The following SNX7 variants were observed in gnomAD, a reference collection of about 807,000 sequenced individuals.
The protein encoded by SNX7 is sorting nexin 7.
A neutral mutation model predicts 48.4 loss-of-function variants in SNX7; 35 were observed. That is an observed-to-expected ratio of 0.72 (90% confidence interval 0.55 to 0.96). SNX7 has a LOEUF of 0.96. Among genes scored for constraint, SNX7 ranks in the 40% least tolerant of loss-of-function variants. The pLI is 0.00. For synonymous variants in SNX7, 190 were observed against 190.2 expected, an observed-to-expected ratio of 1.00 and a Z score of 0.01; for missense variants, 553 against 548.9, an observed-to-expected ratio of 1.01 and a Z score of -0.07.
chr1:98,662,559 A>AC, intron 1 of SNX7: 1 of 783,200 alleles, frequency 1.3e-6, no homozygotes, highest in Non-Finnish European at 1.7e-6. Flanking sequence ...GAAATTTAGG[A>AC]CCAAAGGCTC....
At chr1:98,679,250 G>A (rs778672258) in intron 1 of SNX7, among the ~76,000 whole-genome samples, 7 of 152,110 alleles carry the variant, frequency 4.6e-5, no homozygotes, top group Non-Finnish European at 8.8e-5. Context: ...ATCAAATCTC[G>A]TGAAACGTAT....
At chr1:98,759,557 A>T (rs1490418932) in intron 8 of SNX7, among the ~76,000 whole-genome samples, 1 of 152,118 alleles carries the variant, frequency 6.6e-6, no homozygotes, top group Non-Finnish European at 1.5e-5. Flanking sequence ...GGCATTCTGC[A>T]TAGAGACTTA....
intron 7 of SNX7, among the ~76,000 whole-genome samples, chr1:98,735,389 C>T (rs993921873): frequency 1.3e-5 from 2 of 151,994 alleles, no homozygotes; most frequent in Non-Finnish European, 2.9e-5. Context: ...TTTTTTCCAA[C>T]TAAACTTATG....
intron 7 of SNX7, among the ~76,000 whole-genome samples, chr1:98,721,751 A>T (rs1466324674): frequency 1.6e-4 from 24 of 152,060 alleles, no homozygotes. Flanking sequence ...ATAATTTTTA[A>T]CTTTGGAAAG....
At chr1:98,723,624 TG>T (rs1653008351) in intron 7 of SNX7, among the ~76,000 whole-genome samples, 1 of 152,036 alleles carries the variant, frequency 6.6e-6, no homozygotes, top group African/African-American at 2.4e-5. Context: ...GAGGCCTAGG[TG>T]GGCGGATCAC....
intron 1 of SNX7, among the ~76,000 whole-genome samples, chr1:98,667,594 C>T (rs1048433869): frequency 2.6e-5 from 4 of 151,576 alleles, no homozygotes; most frequent in African/African-American, 9.7e-5. Context: ...GTTGTCCAGG[C>T]TGGTCTCGAA....
intron 7 of SNX7, among the ~76,000 whole-genome samples, chr1:98,705,938 T>C (rs1651982403): frequency 6.6e-6 from 1 of 152,162 alleles, no homozygotes; most frequent in African/African-American, 2.4e-5. Flanking sequence ...ATGTTTCAAG[T>C]TGTTAATAAC....
At chr1:98,662,889 A>G (rs553063935) in intron 1 of SNX7, 112 of 1,246,008 alleles carry the variant, frequency 9.0e-5, no homozygotes, top group Non-Finnish European at 1.2e-4. Context: ...GTGACCATGC[A>G]TACTCTGACT....
intron 7 of SNX7, among the ~76,000 whole-genome samples, chr1:98,732,541 G>A (rs888975009): frequency 5.8e-4 from 89 of 152,190 alleles, no homozygotes; most frequent in African/African-American, 2.1e-3. Flanking sequence ...TTATCTATAG[G>A]TATCTGCTTA....
At chr1:98,705,332 A>G (rs960173883) in intron 7 of SNX7, among the ~76,000 whole-genome samples, 11 of 152,304 alleles carry the variant, frequency 7.2e-5, no homozygotes, top group African/African-American at 2.6e-4. Context: ...TTGATAAATC[A>G]AAGATCAAAT....
intron 1 of SNX7, among the ~76,000 whole-genome samples, chr1:98,678,116 GT>G (rs1650277992): frequency 6.6e-6 from 1 of 151,994 alleles, no homozygotes; most frequent in Non-Finnish European, 1.5e-5. Flanking sequence ...TCTGCATGCT[GT>G]ACAGGAAGCA....
At chr1:98,732,270 G>A (rs901679641) in intron 7 of SNX7, among the ~76,000 whole-genome samples, 3 of 152,082 alleles carry the variant, frequency 2.0e-5, no homozygotes, top group African/African-American at 4.8e-5. Flanking sequence ...AGGGACATGC[G>A]TGGAGGAAAT....
intron 8 of SNX7, among the ~76,000 whole-genome samples, chr1:98,755,069 T>G (rs1444999991): frequency 6.6e-6 from 1 of 152,142 alleles, no homozygotes; most frequent in African/African-American, 2.4e-5. Flanking sequence ...TGGAGGCTTT[T>G]TATAATTGTC....
At chr1:98,736,795 A>T (rs982815432) in intron 7 of SNX7, among the ~76,000 whole-genome samples, 1 of 152,224 alleles carries the variant, frequency 6.6e-6, no homozygotes, top group African/African-American at 2.4e-5. Flanking sequence ...TAATTCAAGC[A>T]TCAGAAGTAA....
intron 8 of SNX7, among the ~76,000 whole-genome samples, chr1:98,755,746 G>A (rs1304312311): frequency 6.6e-6 from 1 of 151,758 alleles, no homozygotes; most frequent in Non-Finnish European, 1.5e-5. Context: ...TTACAGGCAT[G>A]AGCCACCATG....
intron 1 of SNX7, among the ~76,000 whole-genome samples, chr1:98,669,149 G>A (rs1230032959): frequency 6.6e-6 from 1 of 152,126 alleles, no homozygotes; most frequent in Admixed American, 6.5e-5. Flanking sequence ...TCCTAGTGAT[G>A]TAATAATTCC....
In SNX7 at chr1:98,755,342, G is replaced by T. The variant is rs574800176; in HGVS notation, c.1279-4712G>T. ...AGTGTGGTTCAGATCTTATATATGAGTGCTGATTTTCTGTCCACACATTCT... is the reference window on the plus strand; with the variant it reads ...AGTGTGGTTCAGATCTTATATATGATTGCTGATTTTCTGTCCACACATTCT... On this transcript the variant is annotated intron_variant, in intron 8 of 8. Transcript: ENST00000306121. Among the ~76,000 whole-genome samples, 13 of 152,142 alleles carry T rather than the reference G, an allele frequency of 8.5e-5. No homozygotes were observed. In the East Asian group the frequency reaches 2.5e-3, roughly 29 times the overall value.
chr1:98,726,347 A>G (rs1318472134), intron 7 of SNX7, among the ~76,000 whole-genome samples: 2 of 152,206 alleles, frequency 1.3e-5, no homozygotes, highest in African/African-American at 2.4e-5. Context: ...TTCAAAGTGG[A>G]GCTGCCTGAG....
At chr1:98,664,820 G>A (rs546977829) in intron 1 of SNX7, among the ~76,000 whole-genome samples, 4 of 152,098 alleles carry the variant, frequency 2.6e-5, no homozygotes, top group East Asian at 1.9e-4. Context: ...TTAAAAGAAC[G>A]GGGATAGATG....
Sources: gnomAD v4.1 joint callset for allele counts (sites outside exome capture counted in the v4.1 genomes callset) on GRCh38, gnomAD v4.1.1 for gene constraint, MANE v1.5 for transcripts, NCBI Gene and HGNC (gene_info 2026-07-23, HGNC 2026-07-21) for gene names.